Variants in SYNE1 observed in about 807,000 individuals in gnomAD.
The protein encoded by SYNE1 is spectrin repeat containing nuclear envelope protein 1, also known as nesprin-1.
SYNE1 carries 616 observed loss-of-function variants against 1,111.0 expected under a neutral mutation model. That is an observed-to-expected ratio of 0.55 (90% CI 0.52 to 0.59). SYNE1 has a LOEUF of 0.59. Among genes scored for constraint, SYNE1 ranks in the 20% least tolerant of loss-of-function variants. The pLI, the probability that SYNE1 is intolerant of heterozygous loss-of-function variation, is 0.00. For synonymous variants in SYNE1, 3,855 were observed against 3,825.8 expected, an observed-to-expected ratio of 1.01 and a Z score of -0.28; for missense variants, 10,006 against 10,417.0, an observed-to-expected ratio of 0.96 and a Z score of 1.72.
At chr6:152,409,275 T>C in intron 43 of SYNE1, 49 bp from the exon 44 acceptor site, 1 of 1,580,380 alleles carries the variant, frequency 6.3e-7, no homozygotes, top group Non-Finnish European at 8.7e-7. Flanking sequence ...TGATAAGTCA[T>C]GAGTTTAAAA....
intron 84 of SYNE1, 122 bp downstream of exon 84, chr6:152,321,116 C>T (rs543771217): frequency 3.0e-5 from 32 of 1,051,352 alleles, no homozygotes; most frequent in Admixed American, 2.9e-4. Flanking sequence ...TGTTTTATAG[C>T]CATCTATTTT....
intron 36 of SYNE1, 75 bp from the exon 37 acceptor site, chr6:152,428,467 A>G (rs1390142524): frequency 1.5e-5 from 22 of 1,431,282 alleles, no homozygotes; most frequent in Non-Finnish European, 2.2e-5. Flanking sequence ...GACACCGATC[A>G]TCGCAAAATA....
At position 152,341,930 on chromosome 6, in the gene SYNE1, C is replaced by T. The variant is rs557578933; in HGVS notation, c.12225+2151G>A. Among the ~76,000 whole-genome samples the T allele has an allele frequency of 1.2e-3, 186 of 152,152 alleles. 1 individual carries two copies. Among genetic ancestry groups the T allele is most frequent in the African/African-American group, 4.2e-3 (174 of 41,490 alleles). ...ACCTACCGATGGAATTAAGTGAGGA[C>T]TTATTGCACTTGCCAAGGGAAAAAC... On this transcript the variant is annotated intron_variant, in intron 74 of 145. Coordinates refer to ENST00000367255, the MANE Select transcript of SYNE1 (RefSeq NM_182961.4).
rs1324321670 is a variant in SYNE1, at chr6:152,442,072, T to C, written c.4008+3A>G. The C allele has an allele frequency of 6.2e-7, 1 of 1,614,122 alleles. No homozygotes were observed. Among genetic ancestry groups the C allele is most frequent in the South Asian group, 1.1e-5 (1 of 91,082 alleles). On this transcript the variant is annotated splice_donor_region_variant and intron_variant, in intron 31 of 145. Coordinates refer to ENST00000367255, the MANE Select transcript of SYNE1 (RefSeq NM_182961.4). ...TAAATGGCCCCTAACTTCCGGCTCCTACCTGGATGCGGCGTTCCTGCCTCT... is the reference window on the plus strand; with the variant it reads ...TAAATGGCCCCTAACTTCCGGCTCCCACCTGGATGCGGCGTTCCTGCCTCT...
At chr6:152,372,524 G>A (rs555066575) in intron 59 of SYNE1, among the ~76,000 whole-genome samples, 2 of 152,238 alleles carry the variant, frequency 1.3e-5, no homozygotes, top group South Asian at 4.1e-4. Flanking sequence ...TTATATTGTG[G>A]CAGTAATTAT....
intron 110 of SYNE1, among the ~76,000 whole-genome samples, chr6:152,235,769 T>A (rs569875504): frequency 6.6e-6 from 1 of 152,212 alleles, no homozygotes; most frequent in African/African-American, 2.4e-5. Context: ...TGAGACACAG[T>A]CTCACTCTAT....
At chr6:152,308,467 A>G (rs1439764549) in intron 91 of SYNE1, 22 bp downstream of exon 91, 1 of 1,613,906 alleles carries the variant, frequency 6.2e-7, no homozygotes, top group Non-Finnish European at 8.5e-7. Context: ...TGCCCTCGGT[A>G]TTTCGCCTAC....
intron 133 of SYNE1, 74 bp from the exon 134 acceptor site, chr6:152,152,215 T>C (rs1357611558): frequency 4.5e-6 from 6 of 1,337,902 alleles, no homozygotes; most frequent in South Asian, 2.3e-5. Context: ...GGTTTTCTTA[T>C]TGTAGCGTCT....
At position 152,505,189 on chromosome 6, in the gene SYNE1, T is replaced by C. The variant is rs2099051316; in HGVS notation, c.778+12A>G. The C allele has an allele frequency of 1.9e-6, 3 of 1,613,968 alleles. No homozygotes were observed. Among genetic ancestry groups the C allele is most frequent in the Admixed American group, 1.7e-5 (1 of 60,008 alleles). On this transcript the variant is annotated intron_variant, in intron 9 of 145. Transcript: ENST00000367255. Reference sequence around the variant, plus strand: ...GTTAAGGTATATAACAGTCAATGAATATTCAGCCTACCTTCAGGATCTAGC... The same window carrying C: ...GTTAAGGTATATAACAGTCAATGAACATTCAGCCTACCTTCAGGATCTAGC...
chr6:152,629,275 G>A (rs1461768613), intron 2 of SYNE1, among the ~76,000 whole-genome samples: 4 of 151,926 alleles, frequency 2.6e-5, no homozygotes, highest in Non-Finnish European at 5.9e-5. Context: ...ACAGTGGCGT[G>A]ATCTCAGCAA....
chr6:152,204,049 T>C (rs902784337), intron 126 of SYNE1, among the ~76,000 whole-genome samples: 7 of 152,202 alleles, frequency 4.6e-5, no homozygotes, highest in African/African-American at 1.7e-4. Flanking sequence ...ATACAGTTGA[T>C]AAAAATTTAT....
At chr6:152,175,672 T>C (rs1490562935) in intron 130 of SYNE1, among the ~76,000 whole-genome samples, 1 of 152,240 alleles carries the variant, frequency 6.6e-6, no homozygotes, top group African/African-American at 2.4e-5. Context: ...AGTTCCAACA[T>C]GAAGCCAAAT....
intron 106 of SYNE1, among the ~76,000 whole-genome samples, chr6:152,244,155 T>A (rs1323774315): frequency 6.6e-6 from 1 of 152,204 alleles, no homozygotes; most frequent in African/African-American, 2.4e-5. Flanking sequence ...ATTTGCTTTT[T>A]AAAATAGTAT....
At chr6:152,460,604 A>G (rs214961) in intron 21 of SYNE1, among the ~76,000 whole-genome samples, 79,379 of 151,570 alleles carry the variant, frequency 0.52, 22,670 homozygotes, top group East Asian at 0.76. Context: ...CTCTTTTACT[A>G]GAAATTAATT....
intron 2 of SYNE1, among the ~76,000 whole-genome samples, chr6:152,631,496 G>A (rs1472137899): frequency 1.3e-5 from 2 of 152,162 alleles, no homozygotes; most frequent in Non-Finnish European, 2.9e-5. Context: ...TCTTAAGCTG[G>A]AAGTGAGAAG....
At chr6:152,211,265 A>G (rs941753896) in intron 124 of SYNE1, among the ~76,000 whole-genome samples, 2 of 152,150 alleles carry the variant, frequency 1.3e-5, no homozygotes, top group African/African-American at 4.8e-5. Context: ...TGGCTAGGTG[A>G]TTTCCAATTA....
intron 14 of SYNE1, 51 bp downstream of exon 14, chr6:152,483,034 A>G: frequency 6.2e-7 from 1 of 1,610,880 alleles, no homozygotes; most frequent in Non-Finnish European, 8.5e-7. Flanking sequence ...CTACCTCTCC[A>G]GACCACAGTA....
At chr6:152,603,893 T>G (rs912937839) in intron 3 of SYNE1, among the ~76,000 whole-genome samples, 1 of 146,962 alleles carries the variant, frequency 6.8e-6, no homozygotes, top group Non-Finnish European at 1.5e-5. Context: ...TACATGCATG[T>G]ATAGATAGAT....
Position 152,180,249 on chromosome 6 carries a change from C to T in SYNE1, c.23347G>A (p.Ala7783Thr). 6.2e-7 allele frequency: 1 copy of T among 1,614,092 alleles called. No individual in the cohort carries two copies. The highest frequency in any genetic ancestry group is 8.5e-7 in the Non-Finnish European group (1 of 1,180,000). Residue 7783 changes from alanine to threonine, a missense_variant, in exon 129 of 146, where the codon GCA becomes ACA. By Grantham distance (58) the Ala-to-Thr change is moderately conservative (BLOSUM62 0). This residue lies in a region of SYNE1 where 2,182 missense variants were observed against 2,287.8 expected (regional missense o/e 0.95). Transcript: ENST00000367255. ...QQIGERLNEW[A>T]VFSEKNKELC... is the part of the protein sequence containing the mutation. ...TCCTTGTTCTTTTCACTGAAGACTG[C>T]CCATTCATTCAATCTTTCACCTATT...
Sources: allele counts gnomAD v4.1 joint callset (sites outside exome capture counted in the v4.1 genomes callset), GRCh38; gene constraint gnomAD v4.1.1; regional missense constraint gnomAD v4.1.1; transcripts MANE v1.5; gene names NCBI Gene and HGNC (gene_info 2026-07-23, HGNC 2026-07-21).